Variants in NR6A1 observed in about 807,000 individuals in gnomAD.
The protein encoded by NR6A1 is nuclear receptor subfamily 6 group A member 1.
A neutral mutation model predicts 59.1 loss-of-function variants in NR6A1; 7 were observed. The observed-to-expected ratio is 0.12, with a 90% CI of 0.07 to 0.22. The LOEUF is 0.22. Among genes scored for constraint, NR6A1 ranks in the 10% least tolerant of loss-of-function variants. NR6A1 has a pLI of 1.00. For synonymous variants in NR6A1, 243 were observed against 236.1 expected (o/e 1.03, Z -0.27); for missense variants, 468 against 611.6 (o/e 0.77, Z 2.48).
At position 124,623,209 on chromosome 9, in the gene NR6A1, T is replaced by C. The variant is rs559130665; in HGVS notation, c.143-68639A>G. ...GGAAGGTAGGGATATGATGGCAAGG[T>C]GTCAAGACTTGATCTTTGGACAGTT... is the stretch of plus-strand genomic sequence containing the variant. On this transcript the variant is annotated intron_variant, in intron 2 of 9. Transcript: ENST00000487099. Among the ~76,000 whole-genome samples, 94 of 152,150 alleles carry C rather than the reference T, an allele frequency of 6.2e-4. 1 individual carries two copies. The South Asian group carries it at 0.018, about 29-fold the overall frequency.
chr9:124,525,663 T>C (rs1832912784), intron 8 of NR6A1, among the ~76,000 whole-genome samples: 1 of 151,530 alleles, frequency 6.6e-6, no homozygotes, highest in South Asian at 2.1e-4. Context: ...GGCCCCTCCA[T>C]TTTTTCTAAA....
At chr9:124,687,290 A>ATTT (rs1465581648) in intron 2 of NR6A1, among the ~76,000 whole-genome samples, 5,695 of 130,922 alleles carry the variant, frequency 0.043, 356 homozygotes, top group African/African-American at 0.15. Flanking sequence ...CCAGCTAATT[A>ATTT]ATTATTTATT....
intron 2 of NR6A1, among the ~76,000 whole-genome samples, chr9:124,721,533 T>A (rs917179055): frequency 6.6e-6 from 1 of 152,014 alleles, no homozygotes; most frequent in Non-Finnish European, 1.5e-5. Context: ...AAAAGGGACA[T>A]AAAGGGAGGA....
At chr9:124,569,644 C>T (rs1834382208) in intron 2 of NR6A1, among the ~76,000 whole-genome samples, 3 of 152,178 alleles carry the variant, frequency 2.0e-5, no homozygotes, top group African/African-American at 7.2e-5. Context: ...GGACTGACTC[C>T]AATCAGTTTC....
intron 6 of NR6A1, 99 bp from the exon 7 acceptor site, chr9:124,536,231 C>A (rs1564168313): frequency 3.8e-6 from 5 of 1,327,142 alleles, no homozygotes; most frequent in Non-Finnish European, 5.2e-6. Context: ...GGGACCCTGG[C>A]AATGGGCTCC....
chr9:124,637,696 G>A (rs979722382), intron 2 of NR6A1, among the ~76,000 whole-genome samples: 33 of 152,098 alleles, frequency 2.2e-4, no homozygotes, highest in African/African-American at 7.5e-4. Flanking sequence ...TTCGACACCA[G>A]CCTAGCCAAC....
chr9:124,657,513 T>A (rs1426841456), intron 2 of NR6A1, among the ~76,000 whole-genome samples: 1 of 152,246 alleles, frequency 6.6e-6, no homozygotes, highest in Non-Finnish European at 1.5e-5. Flanking sequence ...GTTTTGAAAC[T>A]TTAAAGAAGT....
intron 7 of NR6A1, 97 bp from the exon 8 acceptor site, chr9:124,526,997 A>C: frequency 6.8e-7 from 1 of 1,463,132 alleles, no homozygotes; most frequent in Non-Finnish European, 9.4e-7. Context: ...AAACAGGCTG[A>C]GCTTGGGGGA....
intron 2 of NR6A1, among the ~76,000 whole-genome samples, chr9:124,608,835 T>A (rs60462368): frequency 0.016 from 2,491 of 152,334 alleles, 73 homozygotes; most frequent in East Asian, 0.15. Context: ...GAATCACCAT[T>A]CTGACTGGTG....
chr9:124,553,350 C>A (rs1833829855), intron 3 of NR6A1, among the ~76,000 whole-genome samples: 1 of 152,152 alleles, frequency 6.6e-6, no homozygotes, highest in Admixed American at 6.5e-5. Flanking sequence ...TCTGTGCCAA[C>A]AGCTCCATGA....
chr9:124,544,066 T>C (rs1485797340), intron 3 of NR6A1, among the ~76,000 whole-genome samples: 1 of 152,248 alleles, frequency 6.6e-6, no homozygotes, highest in Non-Finnish European at 1.5e-5. Context: ...CCCCAAGGCA[T>C]TGCGTACATA....
Position 124,522,740 on chromosome 9 carries a change from G to A in NR6A1, c.1408C>T (p.Leu470=). The part of the protein sequence containing the change: ...EQLPLLFKVV[L]HSCKTSVGKE ...CCCACACTGGTCTTGCAGGAATGCA[G>A]CACCACCTTAAAGAGGAGGGGCAGC... The change falls in exon 10 of 10, where the codon CTG becomes TTG. Residue 470 remains leucine (L), a synonymous_variant. Coordinates refer to ENST00000487099, the MANE Select transcript of NR6A1 (RefSeq NM_033334.4). 1 of 1,592,678 alleles carries A rather than the reference G, an allele frequency of 6.3e-7. No homozygotes were observed.
At chr9:124,546,877 T>C (rs1277639660) in intron 3 of NR6A1, among the ~76,000 whole-genome samples, 1 of 152,250 alleles carries the variant, frequency 6.6e-6, no homozygotes, top group Non-Finnish European at 1.5e-5. Context: ...GGTGTATTAT[T>C]CTCCCACGCA....
chr9:124,648,268 C>T (rs1423765121), intron 2 of NR6A1, among the ~76,000 whole-genome samples: 2 of 151,980 alleles, frequency 1.3e-5, no homozygotes, highest in Non-Finnish European at 2.9e-5. Flanking sequence ...GTGGCCAACA[C>T]AGGAGGACTG....
At chr9:124,766,581 A>C (rs78111858) in intron 1 of NR6A1, among the ~76,000 whole-genome samples, 1 of 152,222 alleles carries the variant, frequency 6.6e-6, no homozygotes, top group Non-Finnish European at 1.5e-5. Flanking sequence ...CTTAAAAAAA[A>C]CAGACTGACC....
At chr9:124,570,452 C>T (rs1482115621) in intron 2 of NR6A1, among the ~76,000 whole-genome samples, 1 of 152,122 alleles carries the variant, frequency 6.6e-6, no homozygotes, top group Non-Finnish European at 1.5e-5. Flanking sequence ...ACTGTGTAGG[C>T]CTAGAAACAA....
chr9:124,667,337 TC>T (rs1837655278), intron 2 of NR6A1, among the ~76,000 whole-genome samples: 1 of 152,134 alleles, frequency 6.6e-6, no homozygotes, highest in Admixed American at 6.6e-5. Flanking sequence ...GCCTGGCTTA[TC>T]CACCCTACTT....
intron 7 of NR6A1, among the ~76,000 whole-genome samples, chr9:124,534,158 C>T (rs1221603798): frequency 6.6e-6 from 1 of 151,240 alleles, no homozygotes; most frequent in African/African-American, 2.4e-5. Context: ...CTGCAACTTC[C>T]ACCTACCAGG....
intron 2 of NR6A1, among the ~76,000 whole-genome samples, chr9:124,626,309 T>C (rs1174828122): frequency 6.6e-6 from 1 of 152,092 alleles, no homozygotes; most frequent in East Asian, 1.9e-4. Context: ...CCCAGCCATA[T>C]CCTACAGATT....
Sources: gnomAD v4.1 joint callset for allele counts (sites outside exome capture counted in the v4.1 genomes callset) on GRCh38, gnomAD v4.1.1 for gene constraint, MANE v1.5 for transcripts, NCBI Gene and HGNC (gene_info 2026-07-23, HGNC 2026-07-21) for gene names.